The following PAMR1 variants were observed in gnomAD, a reference collection of about 807,000 sequenced individuals.
The protein encoded by PAMR1 is inactive serine protease PAMR1.
A neutral mutation model predicts 81.8 loss-of-function variants in PAMR1; 88 were observed. The ratio of observed to expected loss-of-function variants is 1.08; its 90% CI spans 0.91 to 1.28. The LOEUF (loss-of-function observed/expected upper bound fraction) is 1.28. Among genes scored for constraint, PAMR1 ranks in the 50% most tolerant of loss-of-function variants. PAMR1 has a pLI of 0.00. For synonymous variants in PAMR1, 336 were observed against 345.3 expected (o/e 0.97, Z 0.30); for missense variants, 935 against 919.7 (o/e 1.02, Z -0.21).
intron 1 of PAMR1, among the ~76,000 whole-genome samples, chr11:35,517,293 G>C (rs1851183287): frequency 1.3e-5 from 2 of 152,174 alleles, no homozygotes; most frequent in African/African-American, 4.8e-5. Flanking sequence ...TCATCTCATG[G>C]CCCTTTCAAC....
At chr11:35,529,006 T>C (rs929708474), upstream of PAMR1, 2 of 152,220 alleles carry the variant, frequency 1.3e-5, no homozygotes, top group African/African-American at 4.8e-5. Flanking sequence ...AGAACTGTTA[T>C]TATGACACAG....
chr11:35,517,909 T>G (rs1851197445), intron 1 of PAMR1, among the ~76,000 whole-genome samples: 1 of 152,220 alleles, frequency 6.6e-6, no homozygotes, highest in African/African-American at 2.4e-5. Flanking sequence ...TGATTCCAAG[T>G]GTAAAGGCTA....
At chr11:35,493,151 A>T (rs1249451876) in intron 2 of PAMR1, among the ~76,000 whole-genome samples, 1 of 151,808 alleles carries the variant, frequency 6.6e-6, no homozygotes, top group African/African-American at 2.4e-5. Flanking sequence ...TCTACCTCTC[A>T]CCATCCATAG....
intron 10 of PAMR1, among the ~76,000 whole-genome samples, chr11:35,434,038 T>C (rs1855978078): frequency 6.6e-6 from 1 of 152,204 alleles, no homozygotes; most frequent in African/African-American, 2.4e-5. Context: ...CCTTTTTTTA[T>C]TCAAAAAGTA....
chr11:35,501,133 CTTTTT>C (rs34831742), intron 1 of PAMR1, among the ~76,000 whole-genome samples: 4 of 135,586 alleles, frequency 3.0e-5, no homozygotes, highest in Admixed American at 7.4e-5. Context: ...CTTTTTTTTT[CTTTTT>C]TTTTTTTTTT....
intron 1 of PAMR1, among the ~76,000 whole-genome samples, chr11:35,518,310 GTC>G (rs766208121): frequency 2.0e-5 from 3 of 151,930 alleles, no homozygotes; most frequent in Middle Eastern, 3.2e-3. Context: ...CAGGCAACTT[GTC>G]TTAGGACATT....
intron 3 of PAMR1, among the ~76,000 whole-genome samples, chr11:35,482,944 A>G (rs1023248477): frequency 4.6e-5 from 7 of 152,126 alleles, no homozygotes; most frequent in Non-Finnish European, 8.8e-5. Context: ...CTTTTAGTGC[A>G]TTTATTTTAA....
chr11:35,460,923 C>T (rs1386540112), intron 6 of PAMR1, among the ~76,000 whole-genome samples: 1 of 152,146 alleles, frequency 6.6e-6, no homozygotes, highest in African/African-American at 2.4e-5. Flanking sequence ...GTTTACAGTC[C>T]CACCAACAGT....
intron 3 of PAMR1, among the ~76,000 whole-genome samples, chr11:35,481,088 C>A (rs1333332451): frequency 6.6e-6 from 1 of 152,188 alleles, no homozygotes; most frequent in Middle Eastern, 3.2e-3. Flanking sequence ...ACCACATTTT[C>A]TTTATCCAGT....
chr11:35,485,288 AAGAG>A (rs1346531266), intron 3 of PAMR1, among the ~76,000 whole-genome samples: 7 of 152,274 alleles, frequency 4.6e-5, no homozygotes, highest in Admixed American at 2.6e-4. Context: ...AGTGCAGAAA[AAGAG>A]AGAGAGAGCC....
chr11:35,489,458 C>T (rs747445055), intron 3 of PAMR1, among the ~76,000 whole-genome samples: 1 of 152,216 alleles, frequency 6.6e-6, no homozygotes, highest in Non-Finnish European at 1.5e-5. Context: ...GCGCTGCAAT[C>T]GCACTCCTAA....
chr11:35,450,383 TTAA>T (rs1432835258), intron 6 of PAMR1, among the ~76,000 whole-genome samples: 2 of 152,138 alleles, frequency 1.3e-5, no homozygotes, highest in Admixed American at 6.5e-5. Context: ...CCCCATTTTA[TTAA>T]TAAGTATAAA....
At chr11:35,454,217 G>C (rs1229566705) in intron 6 of PAMR1, among the ~76,000 whole-genome samples, 1 of 152,196 alleles carries the variant, frequency 6.6e-6, no homozygotes, top group Non-Finnish European at 1.5e-5. Context: ...TTGCAGCTGA[G>C]AACCGGCACT....
chr11:35,467,813 G>A (rs1054377172), intron 6 of PAMR1, among the ~76,000 whole-genome samples, 188 bp downstream of exon 6: 3 of 152,214 alleles, frequency 2.0e-5, no homozygotes, highest in African/African-American at 7.2e-5. Context: ...AACCTAGGAA[G>A]TTGAAGAGAA....
intron 2 of PAMR1, among the ~76,000 whole-genome samples, chr11:35,493,832 C>T (rs945229537): frequency 1.3e-5 from 2 of 152,206 alleles, no homozygotes; most frequent in African/African-American, 4.8e-5. Context: ...CCCAGTACCC[C>T]ACATGGTACA....
chr11:35,524,154 C>A (rs1361653862), intron 1 of PAMR1, among the ~76,000 whole-genome samples: 1 of 152,092 alleles, frequency 6.6e-6, no homozygotes, highest in African/African-American at 2.4e-5. Context: ...AAGTCACCCA[C>A]TTACCCCTAG....
chr11:35,466,655 A>G (rs1856762180), intron 6 of PAMR1, among the ~76,000 whole-genome samples: 3 of 138,454 alleles, frequency 2.2e-5, no homozygotes, highest in Admixed American at 7.8e-5. Context: ...TGAACCCAGG[A>G]GGCGGAGCTT....
intron 6 of PAMR1, among the ~76,000 whole-genome samples, chr11:35,455,148 C>T (rs1405095037): frequency 2.0e-5 from 3 of 152,120 alleles, no homozygotes; most frequent in East Asian, 1.9e-4. Context: ...TCATACTCGA[C>T]ATAAAAGTAG....
intron 6 of PAMR1, among the ~76,000 whole-genome samples, chr11:35,449,658 T>A (rs1401332029): frequency 6.6e-6 from 1 of 152,228 alleles, no homozygotes; most frequent in Non-Finnish European, 1.5e-5. Context: ...TCCAGCCTGC[T>A]GCCACTGGCC....
Sources: allele counts gnomAD v4.1 joint callset (sites outside exome capture counted in the v4.1 genomes callset), GRCh38; gene constraint gnomAD v4.1.1; transcripts MANE v1.5; gene names NCBI Gene and HGNC (gene_info 2026-07-23, HGNC 2026-07-21).